Variants in UHRF2 observed in about 807,000 individuals in gnomAD.
The protein encoded by UHRF2 is E3 ubiquitin-protein ligase UHRF2.
In UHRF2, 23 loss-of-function variants were observed where a neutral mutation model predicts 96.8. The ratio of observed to expected loss-of-function variants is 0.24; its 90% CI spans 0.17 to 0.34. The LOEUF (loss-of-function observed/expected upper bound fraction) is 0.34. Among genes scored for constraint, UHRF2 ranks in the 10% least tolerant of loss-of-function variants. The pLI is 1.00. For missense variants in UHRF2, 685 were observed against 981.5 expected, an observed-to-expected ratio of 0.70 and a Z score of 4.04; for synonymous variants, 385 against 332.6, an observed-to-expected ratio of 1.16 and a Z score of -1.72.
At chr9:6,481,912 C>T in intron 7 of UHRF2, 80 bp from the exon 8 acceptor site, 1 of 1,554,678 alleles carries the variant, frequency 6.4e-7, no homozygotes, top group East Asian at 2.3e-5. Context: ...CAGTTGGGTT[C>T]CTAGTCACAT....
chr9:6,469,767 T>TA (rs1368577463), intron 4 of UHRF2, among the ~76,000 whole-genome samples: 1 of 150,286 alleles, frequency 6.7e-6, no homozygotes, highest in Non-Finnish European at 1.5e-5. Context: ...TACACACGTA[T>TA]ATATGTGTGT....
In UHRF2 at chr9:6,477,526, C is replaced by CA. The variant is rs398010245; in HGVS notation, c.974-88dup. The CA allele has an allele frequency of 8.0e-5, 97 of 1,217,774 alleles. No individual in the cohort carries two copies. In the East Asian group the frequency reaches 1.0e-3, roughly 13 times the overall value. 75.4% of individuals were successfully genotyped at this position (1,217,774 alleles called of 1,614,324 possible). ...GGGTAACAAGAGCAAAACTCCATTT[C>CA]AAAAAAAATGCTGTTTCCATGGGCT... On this transcript the variant is annotated intron_variant, in intron 5 of 15. Coordinates refer to ENST00000276893, the MANE Select transcript of UHRF2 (RefSeq NM_152896.3).
Position 6,506,213 on chromosome 9 carries a change from T to C in UHRF2, c.*34T>C. 1 of 1,608,438 alleles carries C rather than the reference T, an allele frequency of 6.2e-7. No homozygotes were observed. The highest frequency in any genetic ancestry group is 8.5e-7 in the Non-Finnish European group (1 of 1,176,672). On this transcript the variant is annotated 3_prime_UTR_variant, in exon 16 of 16. Transcript: ENST00000276893. ...CTTTCACTGTGTTGTTCATGGTGGC[T>C]TTTTGGACAATAAAGAATCTAAAAT...
At chr9:6,469,722 GTGCA>G (rs2130874801) in intron 4 of UHRF2, among the ~76,000 whole-genome samples, 1 of 98,458 alleles carries the variant, frequency 1.0e-5, no homozygotes, top group African/African-American at 6.6e-5. Flanking sequence ...ACACATATAT[GTGCA>G]TATATACGTG....
At chr9:6,475,862 C>G (rs924719774) in intron 5 of UHRF2, among the ~76,000 whole-genome samples, 1 of 152,144 alleles carries the variant, frequency 6.6e-6, no homozygotes, top group Admixed American at 6.5e-5. Flanking sequence ...CTCAAACATT[C>G]TATCATTTTT....
At chr9:6,443,982 AT>A (rs1438650463) in intron 3 of UHRF2, among the ~76,000 whole-genome samples, 1 of 152,248 alleles carries the variant, frequency 6.6e-6, no homozygotes, top group Non-Finnish European at 1.5e-5. Context: ...TCTGAATAAA[AT>A]CAAGTGGTAT....
At chr9:6,475,566 G>C in intron 5 of UHRF2, 66 bp downstream of exon 5, 1 of 832,166 alleles carries the variant, frequency 1.2e-6, no homozygotes, top group Admixed American at 2.7e-5. Context: ...ATTTTTACTG[G>C]TCAGTGAATA....
At chr9:6,442,513 C>G (rs1821233693) in intron 3 of UHRF2, among the ~76,000 whole-genome samples, 1 of 151,712 alleles carries the variant, frequency 6.6e-6, no homozygotes, top group Non-Finnish European at 1.5e-5. Flanking sequence ...GGGTCTTGTT[C>G]CATCACCCTG....
intron 2 of UHRF2, among the ~76,000 whole-genome samples, chr9:6,430,724 C>T (rs1820518364): frequency 6.6e-6 from 1 of 152,154 alleles, no homozygotes; most frequent in African/African-American, 2.4e-5. Context: ...TCAAACTAGC[C>T]ATCTTGTTTC....
chr9:6,433,714 T>TAA (rs1386127642), intron 2 of UHRF2, among the ~76,000 whole-genome samples, 200 bp from the exon 3 acceptor site: 1 of 152,232 alleles, frequency 6.6e-6, no homozygotes, highest in Non-Finnish European at 1.5e-5. Flanking sequence ...GGAAGAAAGT[T>TAA]AGTTTTCATC....
intron 2 of UHRF2, among the ~76,000 whole-genome samples, chr9:6,422,482 T>C (rs1156640561): frequency 6.6e-6 from 1 of 152,224 alleles, no homozygotes; most frequent in Admixed American, 6.5e-5. Flanking sequence ...AAATAGCATA[T>C]AAAGCTCTAC....
At chr9:6,501,271 C>A (rs190419519) in intron 14 of UHRF2, among the ~76,000 whole-genome samples, 26 of 152,280 alleles carry the variant, frequency 1.7e-4, no homozygotes, top group Non-Finnish European at 3.4e-4. Context: ...CTTATCAAAT[C>A]CCTAAAGTTG....
chr9:6,479,329 A>G (rs112087701), intron 6 of UHRF2, among the ~76,000 whole-genome samples: 31 of 152,106 alleles, frequency 2.0e-4, no homozygotes, highest in African/African-American at 6.3e-4. Context: ...TCCTTACTCA[A>G]CTGCTTAGCT....
At chr9:6,415,025 G>C (rs10758784) in intron 1 of UHRF2, 102,420 of 152,042 alleles carry the variant, frequency 0.67, 36,886 homozygotes, top group South Asian at 0.82. Context: ...TTGATCACAA[G>C]TGAAAAAGCA....
intron 1 of UHRF2, chr9:6,415,479 C>A (rs1040207259): frequency 1.3e-5 from 2 of 152,186 alleles, no homozygotes; most frequent in South Asian, 4.1e-4. Flanking sequence ...TGAGTGTTAT[C>A]TTTCGTGGTC....
intron 8 of UHRF2, 40 bp from the exon 9 acceptor site, chr9:6,486,781 G>C (rs761599432): frequency 6.3e-6 from 10 of 1,591,718 alleles, no homozygotes; most frequent in Non-Finnish European, 7.8e-6. Context: ...TATCTTAACT[G>C]TTCAGAGGTA....
In UHRF2 at chr9:6,506,315, A is replaced by G. The variant is rs1816581218; in HGVS notation, c.*136A>G. ...AGCTAATCCTCTTTCCCACATAGCC[A>G]TCATCTTGTGTGTGTAGTAAGAGGC... On this transcript the variant is annotated 3_prime_UTR_variant, in exon 16 of 16. Transcript: ENST00000276893. The G allele has an allele frequency of 6.0e-6, 7 of 1,166,358 alleles. No homozygotes were observed. The highest frequency in any genetic ancestry group is 2.5e-5 in the East Asian group (1 of 39,978). 72.3% of individuals were successfully genotyped at this position (1,166,358 alleles called of 1,614,324 possible).
chr9:6,460,397 C>T (rs973405904), intron 3 of UHRF2, among the ~76,000 whole-genome samples, 176 bp from the exon 4 acceptor site: 5 of 152,122 alleles, frequency 3.3e-5, no homozygotes, highest in Admixed American at 2.6e-4. Context: ...CTGTAGGTAT[C>T]GCAGTACAGG....
At chr9:6,435,284 A>G (rs1412804461) in intron 3 of UHRF2, among the ~76,000 whole-genome samples, 1 of 151,960 alleles carries the variant, frequency 6.6e-6, no homozygotes, top group Non-Finnish European at 1.5e-5. Context: ...GTAAGCCACC[A>G]CACCTGGCCG....
Sources: allele counts gnomAD v4.1 joint callset (sites outside exome capture counted in the v4.1 genomes callset), GRCh38; gene constraint gnomAD v4.1.1; transcripts MANE v1.5; gene names NCBI Gene and HGNC (gene_info 2026-07-23, HGNC 2026-07-21).